Variants in CNTNAP3B observed in about 807,000 individuals in gnomAD.
The protein encoded by CNTNAP3B is contactin associated protein family member 3B.
CNTNAP3B carries 25 observed loss-of-function variants against 108.9 expected under a neutral mutation model. That is an observed-to-expected ratio of 0.23 (90% CI 0.17 to 0.32). The LOEUF (loss-of-function observed/expected upper bound fraction) is 0.32, where lower values mean the gene tolerates loss of function less well. Ranked by LOEUF, CNTNAP3B falls within the 10% of genes least tolerant of loss-of-function variation. CNTNAP3B has a pLI of 1.00. For missense variants in CNTNAP3B, 252 were observed against 1,210.4 expected (o/e 0.21, Z 11.75); for synonymous variants, 103 against 473.4 (o/e 0.22, Z 10.16).
intron 3 of CNTNAP3B, among the ~76,000 whole-genome samples, chr9:42,033,159 C>T (rs1356919839): frequency 7.3e-6 from 1 of 137,442 alleles, no homozygotes; most frequent in Non-Finnish European, 1.6e-5. Flanking sequence ...TGCAAACTTT[C>T]TAAAGTTAGG....
intron 14 of CNTNAP3B, among the ~76,000 whole-genome samples, chr9:41,933,629 C>T (rs1824047967): frequency 6.6e-6 from 1 of 152,286 alleles, no homozygotes; most frequent in South Asian, 2.1e-4. Flanking sequence ...ATAAATTCAG[C>T]AAACTTACTG....
intron 3 of CNTNAP3B, among the ~76,000 whole-genome samples, chr9:42,058,473 G>C (rs1827121746): frequency 7.0e-6 from 1 of 142,490 alleles, no homozygotes; most frequent in Admixed American, 7.0e-5. Flanking sequence ...TTGTGATATT[G>C]AGCATTTTTT....
chr9:41,929,993 G>A (rs1163366968), intron 14 of CNTNAP3B, among the ~76,000 whole-genome samples: 1 of 152,196 alleles, frequency 6.6e-6, no homozygotes. Flanking sequence ...AATTGTCTTA[G>A]AATAATATCT....
At chr9:41,968,439 T>C (rs921090160) in intron 10 of CNTNAP3B, among the ~76,000 whole-genome samples, 3 of 140,492 alleles carry the variant, frequency 2.1e-5, no homozygotes, top group Non-Finnish European at 4.6e-5. Flanking sequence ...GGTGTTGAGA[T>C]GTAAATGCAG....
chr9:41,957,763 G>GT (rs1350318842), intron 12 of CNTNAP3B, among the ~76,000 whole-genome samples: 2 of 152,270 alleles, frequency 1.3e-5, no homozygotes, highest in African/African-American at 2.4e-5. Context: ...TGTTTTGTTT[G>GT]TTTTTTGGTT....
intron 11 of CNTNAP3B, among the ~76,000 whole-genome samples, chr9:41,961,817 A>T (rs1353661974): frequency 6.6e-6 from 1 of 152,124 alleles, no homozygotes; most frequent in East Asian, 1.9e-4. Context: ...GCATAATTGA[A>T]TATTTTCATT....
intron 14 of CNTNAP3B, among the ~76,000 whole-genome samples, chr9:41,934,476 C>G (rs1288782743): frequency 3.3e-5 from 5 of 152,274 alleles, no homozygotes; most frequent in African/African-American, 1.2e-4. Flanking sequence ...CCGCCTCGGC[C>G]TCCCAAAGTG....
chr9:41,948,214 C>G (rs1337060198), intron 13 of CNTNAP3B, among the ~76,000 whole-genome samples: 213 of 144,458 alleles, frequency 1.5e-3, no homozygotes, highest in Non-Finnish European at 2.7e-3. Flanking sequence ...GCCTCAGCCT[C>G]CTGAGTAGCT....
intron 2 of CNTNAP3B, among the ~76,000 whole-genome samples, chr9:42,093,205 C>T (rs1429477893): frequency 1.1e-5 from 1 of 93,682 alleles, no homozygotes; most frequent in African/African-American, 4.0e-5. Flanking sequence ...ATTAGCCAGG[C>T]GTGGTGGCGC....
At chr9:41,972,945 T>G (rs1246017273) in intron 9 of CNTNAP3B, among the ~76,000 whole-genome samples, 740 of 69,094 alleles carry the variant, frequency 0.011, 11 homozygotes, top group Non-Finnish European at 0.018. Context: ...TCTTTTTTTT[T>G]TTTTTTTTTG....
intron 3 of CNTNAP3B, among the ~76,000 whole-genome samples, chr9:42,053,914 C>T (rs1386504132): frequency 1.3e-4 from 19 of 150,060 alleles, no homozygotes; most frequent in Non-Finnish European, 2.5e-4. Context: ...CCACCCAAAC[C>T]ATGGCAGACT....
At chr9:41,965,194 C>G in intron 10 of CNTNAP3B, among the ~76,000 whole-genome samples, 1 of 152,404 alleles carries the variant, frequency 6.6e-6, no homozygotes, top group Middle Eastern at 3.4e-3. Context: ...CAATATGACC[C>G]AAAGCAATCC....
intron 2 of CNTNAP3B, among the ~76,000 whole-genome samples, chr9:42,100,212 C>T (rs2118691971): frequency 1.3e-5 from 1 of 78,250 alleles, no homozygotes; most frequent in South Asian, 4.3e-4. Context: ...TAATATCCCA[C>T]ATTCCTTTAA....
chr9:41,981,048 G>T (rs1300698647), intron 9 of CNTNAP3B, among the ~76,000 whole-genome samples: 1 of 118,168 alleles, frequency 8.5e-6, no homozygotes, highest in Non-Finnish European at 1.7e-5. Context: ...AAAGTTTCAG[G>T]ATACAAAATT....
chr9:42,041,720 C>A (rs1467371359), intron 3 of CNTNAP3B, among the ~76,000 whole-genome samples: 1 of 139,476 alleles, frequency 7.2e-6, no homozygotes, highest in African/African-American at 2.8e-5. Context: ...CCATTTGACC[C>A]AGTCATCCCA....
At chr9:41,935,694 G>A (rs1333583407) in intron 14 of CNTNAP3B, among the ~76,000 whole-genome samples, 3 of 152,238 alleles carry the variant, frequency 2.0e-5, no homozygotes, top group Non-Finnish European at 2.9e-5. Context: ...TCTTACTGTT[G>A]GATAGACCTG....
intron 13 of CNTNAP3B, among the ~76,000 whole-genome samples, chr9:41,951,540 T>G (rs900383530): frequency 6.6e-6 from 1 of 152,248 alleles, no homozygotes; most frequent in South Asian, 2.1e-4. Context: ...CCCCATGAGA[T>G]CAGTACTACA....
At chr9:42,120,585 A>G (rs1198745909) in intron 1 of CNTNAP3B, among the ~76,000 whole-genome samples, 3 of 138,422 alleles carry the variant, frequency 2.2e-5, no homozygotes, top group Non-Finnish European at 3.1e-5. Context: ...ATGTCAATCA[A>G]TGATAGACTG....
intron 9 of CNTNAP3B, among the ~76,000 whole-genome samples, chr9:41,973,063 G>C (rs369220129): frequency 7.3e-6 from 1 of 137,750 alleles, no homozygotes; most frequent in Non-Finnish European, 1.6e-5. Flanking sequence ...TCAGCCTCCC[G>C]AGTGGCTGGG....
Sources: allele counts gnomAD v4.1 joint callset (sites outside exome capture counted in the v4.1 genomes callset), GRCh38; gene constraint gnomAD v4.1.1; transcripts MANE v1.5; gene names NCBI Gene and HGNC (gene_info 2026-07-23, HGNC 2026-07-21).